Variants in GOSR1 observed in about 807,000 individuals in gnomAD.
GOSR1 encodes the protein golgi SNAP receptor complex member 1, also known as 28 kDa Golgi SNARE protein.
In GOSR1, 21 loss-of-function variants were observed where a neutral mutation model predicts 35.5. That is an observed-to-expected ratio of 0.59 (90% CI 0.42 to 0.85). The LOEUF (loss-of-function observed/expected upper bound fraction) is 0.85. Ranked by LOEUF, GOSR1 falls within the 40% of genes least tolerant of loss-of-function variation. The pLI, the probability that GOSR1 is intolerant of heterozygous loss-of-function variation, is 0.00. For missense variants in GOSR1, 285 were observed against 309.6 expected (o/e 0.92, Z 0.60); for synonymous variants, 94 against 106.6 (o/e 0.88, Z 0.73).
rs191716094 is a variant in GOSR1 at position 30,523,778 on chromosome 17, C to T, written c.*1400C>T. 947 of 205,956 alleles carry T rather than the reference C, an allele frequency of 4.6e-3. 12 individuals are homozygous for T. The highest frequency in any genetic ancestry group is 5.6e-3 in the Non-Finnish European group (588 of 104,936). 12.8% of individuals were successfully genotyped at this position (205,956 alleles called of 1,614,324 possible). On this transcript the variant is annotated 3_prime_UTR_variant, in exon 9 of 9. Transcript: ENST00000451249. The stretch of plus-strand genomic sequence containing the variant: ...TGGCGGTTTTGTGGAATAGAAAAGG[C>T]GGAAAGGTGGGGAAAAGATTGAGAA...
intron 4 of GOSR1, among the ~76,000 whole-genome samples, chr17:30,485,734 A>G (rs1334030488): frequency 1.3e-5 from 2 of 152,230 alleles, no homozygotes; most frequent in East Asian, 3.8e-4. Flanking sequence ...AAAAGTAGGA[A>G]TAGATGGCCG....
intron 6 of GOSR1, among the ~76,000 whole-genome samples, chr17:30,507,716 C>CT (rs1967455082): frequency 9.4e-6 from 1 of 106,640 alleles, no homozygotes; most frequent in South Asian, 2.9e-4. Context: ...CAGCAAGACT[C>CT]TGTCTCAAAA....
chr17:30,477,975 G>A (rs1287089026), intron 1 of GOSR1: 2 of 975,912 alleles, frequency 2.0e-6, no homozygotes, highest in South Asian at 4.7e-5. Flanking sequence ...CTCTTATTGG[G>A]TCTCCATGAC....
intron 7 of GOSR1, among the ~76,000 whole-genome samples, chr17:30,519,527 T>A (rs1967948766): frequency 6.6e-6 from 1 of 152,226 alleles, no homozygotes; most frequent in Non-Finnish European, 1.5e-5. Flanking sequence ...ATTTCTTTTC[T>A]ATTTTTATAA....
intron 6 of GOSR1, among the ~76,000 whole-genome samples, chr17:30,498,402 G>A (rs1178415850): frequency 6.6e-6 from 1 of 152,176 alleles, no homozygotes; most frequent in Non-Finnish European, 1.5e-5. Flanking sequence ...GAAAAGAAAT[G>A]TGAATCGGTA....
intron 6 of GOSR1, among the ~76,000 whole-genome samples, chr17:30,507,488 C>T (rs1282760177): frequency 2.0e-5 from 3 of 152,162 alleles, no homozygotes; most frequent in African/African-American, 7.2e-5. Context: ...TTTGGAAAGC[C>T]AAGAGGAGCG....
At chr17:30,517,540 G>A (rs565721990) in intron 7 of GOSR1, among the ~76,000 whole-genome samples, 1 of 151,242 alleles carries the variant, frequency 6.6e-6, no homozygotes, top group Admixed American at 6.6e-5. Context: ...CCAAAGTATG[G>A]TTATATCATA....
chr17:30,488,736 C>A (rs1465430931), intron 4 of GOSR1, among the ~76,000 whole-genome samples: 2 of 151,722 alleles, frequency 1.3e-5, no homozygotes, highest in African/African-American at 4.8e-5. Flanking sequence ...CGGGGTTTCG[C>A]CATGTTGGCC....
At chr17:30,496,438 G>GA (rs1967005314) in intron 6 of GOSR1, among the ~76,000 whole-genome samples, 1 of 152,122 alleles carries the variant, frequency 6.6e-6, no homozygotes. Flanking sequence ...TCCTTTCCTT[G>GA]AAACCCTAGG....
Position 30,502,783 on chromosome 17 carries a change from C to T in GOSR1, c.510-8097C>T, listed in dbSNP as rs1307200577. 3.9e-5 allele frequency among the ~76,000 whole-genome samples: 6 copies of T among 152,180 alleles called. No homozygotes were observed. The South Asian group carries it at 1.0e-3, about 26-fold the overall frequency. On this transcript the variant is annotated intron_variant, in intron 6 of 8. Coordinates refer to ENST00000451249, the MANE Select transcript of GOSR1 (RefSeq NM_001007025.2). ...TTTCATCTTTGTTTTCCTGTATTTT[C>T]CAAATGTGCTCTGTAAAATAAAAAG...
chr17:30,494,256 C>G (rs1319237678), intron 6 of GOSR1, among the ~76,000 whole-genome samples: 1 of 151,922 alleles, frequency 6.6e-6, no homozygotes, highest in Admixed American at 6.6e-5. Flanking sequence ...CCTTAATACT[C>G]TTTTTATATA....
At chr17:30,520,069 G>T in intron 8 of GOSR1, 48 bp downstream of exon 8, 8 of 1,207,096 alleles carry the variant, frequency 6.6e-6, no homozygotes, top group Non-Finnish European at 9.9e-6. Context: ...GTAGAGGGGA[G>T]AAGTGTCTGT....
chr17:30,499,587 C>T (rs1055471198), intron 6 of GOSR1, among the ~76,000 whole-genome samples: 20 of 152,310 alleles, frequency 1.3e-4, no homozygotes, highest in Non-Finnish European at 5.9e-5. Flanking sequence ...GTGATCCACC[C>T]GCCTTGGCCT....
At chr17:30,516,739 C>T (rs989056102) in intron 7 of GOSR1, among the ~76,000 whole-genome samples, 3 of 151,956 alleles carry the variant, frequency 2.0e-5, no homozygotes, top group Admixed American at 6.6e-5. Flanking sequence ...TTTGAGACTG[C>T]GTCTTGTGTT....
In GOSR1 at chr17:30,515,312, T is replaced by G. The variant is rs1165790944; in HGVS notation, c.539+4403T>G. Among the ~76,000 whole-genome samples the G allele has an allele frequency of 2.2e-5, 3 of 136,118 alleles. No homozygotes were observed. In the Admixed American group the frequency reaches 2.2e-4, roughly 10 times the overall value. The allele number at this position is 136,118 out of a possible 152,430, so 89.3% of individuals were successfully genotyped here. A position where few individuals can be genotyped will look rare whatever the true frequency, so the allele number is the denominator to read the frequency against. On this transcript the variant is annotated intron_variant, in intron 7 of 8. Coordinates refer to ENST00000451249, the MANE Select transcript of GOSR1 (RefSeq NM_001007025.2). ...CCAGCTAATTTTTTTTTTTTTTTTT[T>G]GTATTTTTCTGTAGACATGGTGTTT...
chr17:30,510,423 C>T (rs563397659), intron 6 of GOSR1, among the ~76,000 whole-genome samples: 3 of 152,102 alleles, frequency 2.0e-5, no homozygotes, highest in East Asian at 1.9e-4. Context: ...AAATTTATTT[C>T]GAAGTCCAGG....
intron 8 of GOSR1, among the ~76,000 whole-genome samples, chr17:30,520,745 T>G (rs935445936): frequency 1.3e-5 from 2 of 152,214 alleles, no homozygotes; most frequent in Admixed American, 1.3e-4. Context: ...CTTGTAGTCC[T>G]AGATAATTTG....
chr17:30,485,133 G>A (rs1357409672), intron 4 of GOSR1: 1 of 325,430 alleles, frequency 3.1e-6, no homozygotes, highest in Non-Finnish European at 6.0e-6. Context: ...AAGATAATAT[G>A]GAGGGGGAAT....
intron 6 of GOSR1, 59 bp from the exon 7 acceptor site, chr17:30,510,821 A>C (rs1389013414): frequency 9.1e-6 from 8 of 876,716 alleles, no homozygotes; most frequent in Non-Finnish European, 1.5e-5. Flanking sequence ...AAAAATTAAT[A>C]CAGGTTTTAC....
Sources: gnomAD v4.1 joint callset for allele counts (sites outside exome capture counted in the v4.1 genomes callset) on GRCh38, gnomAD v4.1.1 for gene constraint, MANE v1.5 for transcripts, NCBI Gene and HGNC (gene_info 2026-07-23, HGNC 2026-07-21) for gene names.